Variants in FAM78B observed in about 807,000 individuals in gnomAD.
FAM78B encodes the protein family with sequence similarity 78 member B, also known as protein FAM78B.
In FAM78B, 10 loss-of-function variants were observed where a neutral mutation model predicts 20.0. That is an observed-to-expected ratio of 0.50 (90% CI 0.31 to 0.85). FAM78B has a LOEUF of 0.85. Among genes scored for constraint, FAM78B ranks in the 40% least tolerant of loss-of-function variants. The pLI is 0.05. For missense variants in FAM78B, 283 were observed against 345.0 expected (o/e 0.82, Z 1.42); for synonymous variants, 135 against 132.8 (o/e 1.02, Z -0.12).
intron 1 of FAM78B, among the ~76,000 whole-genome samples, chr1:166,156,568 A>T (rs1408200131): frequency 6.6e-6 from 1 of 152,224 alleles, no homozygotes; most frequent in Admixed American, 6.5e-5. Context: ...CTTATCTGAA[A>T]TAGGAATAAC....
intron 1 of FAM78B, among the ~76,000 whole-genome samples, chr1:166,108,290 G>C (rs917696409): frequency 6.6e-6 from 1 of 152,132 alleles, no homozygotes; most frequent in African/African-American, 2.4e-5. Context: ...AAAGAATTCA[G>C]CAAAGTTTCC....
At chr1:166,091,878 C>T (rs111460838) in intron 1 of FAM78B, among the ~76,000 whole-genome samples, 2,570 of 152,254 alleles carry the variant, frequency 0.017, 28 homozygotes, top group Non-Finnish European at 0.025. Flanking sequence ...GTGATTTTCT[C>T]AAAGTCCAAC....
chr1:166,066,380 G>A (rs1479095342), downstream of FAM78B, among the ~76,000 whole-genome samples: 1 of 152,206 alleles, frequency 6.6e-6, no homozygotes, highest in East Asian at 1.9e-4. Flanking sequence ...CCATTTAATA[G>A]ATTGGGAGAG....
At chr1:166,157,560 T>A (rs935558907) in intron 1 of FAM78B, among the ~76,000 whole-genome samples, 9 of 152,020 alleles carry the variant, frequency 5.9e-5, no homozygotes, top group Non-Finnish European at 1.3e-4. Context: ...AGGGTCCACA[T>A]GGGCCTCGAG....
chr1:166,158,352 A>C (rs1299771434), intron 1 of FAM78B, among the ~76,000 whole-genome samples: 1 of 152,190 alleles, frequency 6.6e-6, no homozygotes, highest in Non-Finnish European at 1.5e-5. Context: ...ATAAATAAAT[A>C]ATTTTTAAAA....
At chr1:166,102,294 C>T (rs929551679) in intron 1 of FAM78B, among the ~76,000 whole-genome samples, 7 of 152,328 alleles carry the variant, frequency 4.6e-5, no homozygotes, top group Admixed American at 3.3e-4. Flanking sequence ...GAAGAAACTG[C>T]ATCAACTAAC....
chr1:166,152,348 C>T (rs1198672948), intron 1 of FAM78B, among the ~76,000 whole-genome samples: 1 of 152,192 alleles, frequency 6.6e-6, no homozygotes, highest in African/African-American at 2.4e-5. Context: ...GCGGCAGGAC[C>T]AAAGGTCAAG....
intron 1 of FAM78B, among the ~76,000 whole-genome samples, chr1:166,154,088 T>A (rs543850340): frequency 6.6e-6 from 1 of 152,242 alleles, no homozygotes; most frequent in African/African-American, 2.4e-5. Context: ...CTCCCATCTG[T>A]TCTGCTCCAC....
rs1211303394 is a variant in FAM78B, at chr1:166,069,736, C to T, written c.*505G>A. The T allele has an allele frequency of 6.5e-6, 1 of 153,204 alleles. No homozygotes were observed. The highest frequency in any genetic ancestry group is 2.4e-5 in the African/African-American group (1 of 41,448). 9.5% of individuals were successfully genotyped at this position (153,204 alleles called of 1,614,324 possible). On this transcript the variant is annotated 3_prime_UTR_variant, in exon 2 of 2. Transcript: ENST00000354422. The stretch of plus-strand genomic sequence containing the variant: ...AATAAATGCAGAAGTATTAATGTGT[C>T]ATAAAACCTTATTCTTTCCTCTCCC...
At chr1:166,111,343 A>G (rs1388301152) in intron 1 of FAM78B, among the ~76,000 whole-genome samples, 2 of 152,102 alleles carry the variant, frequency 1.3e-5, no homozygotes, top group Non-Finnish European at 2.9e-5. Flanking sequence ...TGCTCTCTGC[A>G]CTCCCACCAA....
chr1:166,103,537 C>G (rs1653621376), intron 1 of FAM78B, among the ~76,000 whole-genome samples: 1 of 152,142 alleles, frequency 6.6e-6, no homozygotes, highest in Non-Finnish European at 1.5e-5. Context: ...AACGATCCCA[C>G]AGAAATACAA....
chr1:166,129,862 A>G (rs943702980), intron 1 of FAM78B, among the ~76,000 whole-genome samples: 1 of 152,186 alleles, frequency 6.6e-6, no homozygotes, highest in African/African-American at 2.4e-5. Context: ...CAACACAGCT[A>G]TGGCCATGCC....
intron 1 of FAM78B, among the ~76,000 whole-genome samples, chr1:166,079,397 G>C (rs1283982149): frequency 6.6e-6 from 1 of 152,166 alleles, no homozygotes; most frequent in Admixed American, 6.5e-5. Context: ...CATACCTCCA[G>C]AGTCTATTCA....
chr1:166,059,744 G>A (rs934029825), exon 3 of FAM78B: 3 of 152,144 alleles, frequency 2.0e-5, no homozygotes, highest in African/African-American at 7.2e-5. Context: ...CTTGTTAGCT[G>A]GTGATTTCTA....
At position 166,164,382 on chromosome 1, in the gene FAM78B, G is replaced by C. The variant is rs140211271; in HGVS notation, c.263+1604C>G. Among the ~76,000 whole-genome samples, 708 of 152,356 alleles carry C rather than the reference G, an allele frequency of 4.6e-3. 3 individuals carry two copies. Among genetic ancestry groups the C allele is most frequent in the Middle Eastern group, 6.8e-3 (2 of 294 alleles). The stretch of plus-strand genomic sequence containing the variant: ...AACAATGGATTTATTTTAAAAAGCA[G>C]TTTTAAGAGACACATGTGTTCACAT... On this transcript the variant is annotated intron_variant, in intron 1 of 1. Coordinates refer to ENST00000354422, the MANE Select transcript of FAM78B (RefSeq NM_001017961.5).
Position 166,109,814 on chromosome 1 carries a change from G to GTATATATATA in FAM78B, c.264-39061_264-39052dup, listed in dbSNP as rs201957585. On this transcript the variant is annotated intron_variant, in intron 1 of 1. Coordinates refer to ENST00000354422, the MANE Select transcript of FAM78B (RefSeq NM_001017961.5). ...GAAACTGTGATATATATGTATATAT[G>GTATATATATA]TATATATATATATATATGTATATAT... is the stretch of plus-strand genomic sequence containing the variant. Among the ~76,000 whole-genome samples, 7 of 32,636 alleles carry GTATATATATA rather than the reference G, an allele frequency of 2.1e-4. 2 individuals carry two copies. Among genetic ancestry groups the GTATATATATA allele is most frequent in the Non-Finnish European group, 3.6e-4 (5 of 14,054 alleles). 21.4% of individuals were successfully genotyped at this position (32,636 alleles called of 152,430 possible).
At chr1:166,143,457 C>T (rs1172844924) in intron 1 of FAM78B, among the ~76,000 whole-genome samples, 1 of 152,120 alleles carries the variant, frequency 6.6e-6, no homozygotes, top group Non-Finnish European at 1.5e-5. Flanking sequence ...TTCTGGTTCC[C>T]TATCTAGGAA....
At chr1:166,140,965 C>T (rs924455614) in intron 1 of FAM78B, among the ~76,000 whole-genome samples, 1 of 152,214 alleles carries the variant, frequency 6.6e-6, no homozygotes, top group Admixed American at 6.5e-5. Context: ...AGCCAGCAAA[C>T]AGCAGAGCTT....
At chr1:166,058,877 G>A (rs1163232737) in exon 3 of FAM78B, 3 of 152,388 alleles carry the variant, frequency 2.0e-5, no homozygotes, top group Non-Finnish European at 4.4e-5. Context: ...GCTGCATTGT[G>A]GACCCAAATC....
Sources: allele counts gnomAD v4.1 joint callset (sites outside exome capture counted in the v4.1 genomes callset), GRCh38; gene constraint gnomAD v4.1.1; transcripts MANE v1.5; gene names NCBI Gene and HGNC (gene_info 2026-07-23, HGNC 2026-07-21).